Variants in ABCC4 observed in about 807,000 individuals in gnomAD.
ABCC4 encodes the protein ATP-binding cassette sub-family C member 4.
Under a neutral mutation model 168.5 loss-of-function variants are expected in ABCC4, and 102 were observed. The observed-to-expected ratio is 0.61, with a 90% CI of 0.52 to 0.71. The LOEUF (loss-of-function observed/expected upper bound fraction) is 0.71. Ranked by LOEUF, ABCC4 falls within the 30% of genes least tolerant of loss-of-function variation. The pLI is 0.00. For synonymous variants in ABCC4, 617 were observed against 590.7 expected (o/e 1.04, Z -0.65); for missense variants, 1,402 against 1,605.8 (o/e 0.87, Z 2.17).
chr13:95,087,422 G>A (rs1257169085), intron 20 of ABCC4, among the ~76,000 whole-genome samples: 1 of 152,056 alleles, frequency 6.6e-6, no homozygotes, highest in Non-Finnish European at 1.5e-5. Context: ...GGGAGGCTGA[G>A]GCTTGCAGTG....
In ABCC4 at chr13:95,182,687, A is replaced by G. The variant is rs145919980; in HGVS notation, c.1545+4014T>C. Among the ~76,000 whole-genome samples the G allele has an allele frequency of 7.9e-4, 120 of 152,304 alleles. 1 individual carries two copies. The highest frequency in any genetic ancestry group is 2.8e-3 in the African/African-American group (115 of 41,560). ...ATGAGGTGAATAGTTTATTATCTCTATTTTACAGATGACAAAACTGAGGCT... is the reference window on the plus strand; with the variant it reads ...ATGAGGTGAATAGTTTATTATCTCTGTTTTACAGATGACAAAACTGAGGCT... On this transcript the variant is annotated intron_variant, in intron 11 of 30. Transcript: ENST00000645237.
chr13:95,060,209 G>A (rs2033232397), intron 26 of ABCC4, among the ~76,000 whole-genome samples: 2 of 152,156 alleles, frequency 1.3e-5, no homozygotes, highest in Admixed American at 6.5e-5. Flanking sequence ...GGATCTACAT[G>A]GATACAAAGC....
intron 4 of ABCC4, among the ~76,000 whole-genome samples, chr13:95,211,969 G>A (rs925365427): frequency 1.3e-5 from 2 of 152,088 alleles, no homozygotes; most frequent in African/African-American, 4.8e-5. Flanking sequence ...TTGAGGTCAG[G>A]AGTTCGAGAT....
At chr13:95,264,518 A>C (rs2040616792) in intron 1 of ABCC4, among the ~76,000 whole-genome samples, 1 of 152,178 alleles carries the variant, frequency 6.6e-6, no homozygotes, top group Non-Finnish European at 1.5e-5. Context: ...AGGATACTGT[A>C]TTTATTTTTA....
intron 26 of ABCC4, among the ~76,000 whole-genome samples, chr13:95,057,611 T>C (rs1402930274): frequency 6.6e-6 from 1 of 152,222 alleles, no homozygotes; most frequent in Admixed American, 6.5e-5. Flanking sequence ...GCCCCAGTTC[T>C]TTCCCAGGTC....
At chr13:95,107,533 C>G (rs1182810957) in intron 20 of ABCC4, among the ~76,000 whole-genome samples, 2 of 152,076 alleles carry the variant, frequency 1.3e-5, no homozygotes, top group African/African-American at 4.8e-5. Flanking sequence ...AGAAATGTGC[C>G]TTTGCTTTTG....
intron 1 of ABCC4, among the ~76,000 whole-genome samples, chr13:95,290,997 C>CA (rs762030761): frequency 8.2e-5 from 3 of 36,424 alleles, no homozygotes; most frequent in Admixed American, 5.2e-4. Flanking sequence ...GACCCTGTCT[C>CA]AAAAAAAAAA....
rs1566384822 is a variant in ABCC4 at position 95,064,287 on chromosome 13, TATATATATATAC to T, written c.3211-1440_3211-1429del. On this transcript the variant is annotated intron_variant, in intron 25 of 30. Transcript: ENST00000645237. ...ATATATATATATATATATATATATA[TATATATATATAC>T]ACACACACACACCAATTGAATTTCT... Among the ~76,000 whole-genome samples, 129 of 122,316 alleles carry T rather than the reference TATATATATATAC, an allele frequency of 1.1e-3. 2 individuals carry two copies. Among genetic ancestry groups the T allele is most frequent in the African/African-American group, 3.3e-3 (94 of 28,800 alleles). The allele number at this position is 122,316 out of a possible 152,430, so 80.2% of individuals were successfully genotyped here.
chr13:95,172,093 T>C (rs2037497612), intron 13 of ABCC4, among the ~76,000 whole-genome samples: 1 of 152,226 alleles, frequency 6.6e-6, no homozygotes, highest in African/African-American at 2.4e-5. Flanking sequence ...CCATTGTAGA[T>C]GAGATAATAG....
rs1288778345 is a variant in ABCC4, at chr13:95,301,341, G to A, written c.-27C>T. On this transcript the variant is annotated 5_prime_UTR_variant, in exon 1 of 31. Coordinates refer to ENST00000645237, the MANE Select transcript of ABCC4 (RefSeq NM_005845.5). ...TTGCCGGGCGGGGCGGGCGCGGGCC[G>A]GGGTCGCGCTGATCAGGCGGCGGTG... is the stretch of plus-strand genomic sequence containing the variant. 2.6e-6 allele frequency: 4 copies of A among 1,561,568 alleles called. No individual in the cohort carries two copies. Among genetic ancestry groups the A allele is most frequent in the Non-Finnish European group, 2.6e-6 (3 of 1,154,944 alleles).
At chr13:95,061,704 A>C (rs931549377) in intron 26 of ABCC4, among the ~76,000 whole-genome samples, 4 of 151,508 alleles carry the variant, frequency 2.6e-5, no homozygotes, top group South Asian at 2.1e-4. Flanking sequence ...AAGAAAACAA[A>C]CAAAAAACCC....
At chr13:95,026,513 G>GA (rs1161582135) in intron 30 of ABCC4, among the ~76,000 whole-genome samples, 3 of 151,850 alleles carry the variant, frequency 2.0e-5, no homozygotes, top group South Asian at 2.1e-4. Context: ...TAAACTTCCA[G>GA]AAAAAAAAGA....
Position 95,022,028 on chromosome 13 carries a change from C to A in ABCC4, c.3871-346G>T, listed in dbSNP as rs562713979. On this transcript the variant is annotated intron_variant, in intron 30 of 30. Transcript: ENST00000645237. Reference sequence around the variant, plus strand: ...CAGGGTGACAAAGAGGCTGGGAAATCTAGCGTCTGCATGAGGGTTTCTCAT... The same window carrying A: ...CAGGGTGACAAAGAGGCTGGGAAATATAGCGTCTGCATGAGGGTTTCTCAT... 2.1e-4 allele frequency among the ~76,000 whole-genome samples: 32 copies of A among 152,320 alleles called. No individual in the cohort carries two copies. The South Asian group carries it at 5.6e-3, about 27-fold the overall frequency.
In ABCC4 at chr13:95,239,061, C is replaced by A. The variant is rs567002870; in HGVS notation, c.307-4227G>T. On this transcript the variant is annotated intron_variant, in intron 3 of 30. Coordinates refer to ENST00000645237, the MANE Select transcript of ABCC4 (RefSeq NM_005845.5). ...GATGAATCATAATTTGTTTTTTTAA[C>A]TTTAAACAAAATAGTTTAACTAGTT... 2.4e-3 allele frequency among the ~76,000 whole-genome samples: 355 copies of A among 149,792 alleles called. 1 individual carries two copies. Among genetic ancestry groups the A allele is most frequent in the African/African-American group, 8.5e-3 (345 of 40,562 alleles).
intron 1 of ABCC4, among the ~76,000 whole-genome samples, chr13:95,268,629 G>A (rs372586062): frequency 1.3e-5 from 2 of 152,142 alleles, no homozygotes; most frequent in Admixed American, 6.5e-5. Flanking sequence ...ACATGCTGGC[G>A]GCAGTACTGC....
Position 95,253,171 on chromosome 13 carries a change from G to A in ABCC4, c.75-5418C>T, listed in dbSNP as rs116432638. ...GTGCACGGCCAACCATGACTGCCCC[G>A]GGCTTTCTCCAAAACAGCTCCATTG... On this transcript the variant is annotated intron_variant, in intron 1 of 30. Coordinates refer to ENST00000645237, the MANE Select transcript of ABCC4 (RefSeq NM_005845.5). Among the ~76,000 whole-genome samples, 115 of 152,168 alleles carry A rather than the reference G, an allele frequency of 7.6e-4. No individual in the cohort carries two copies. The East Asian group carries it at 0.02, about 27-fold the overall frequency.
At chr13:95,059,504 A>AT (rs1324446027) in intron 26 of ABCC4, among the ~76,000 whole-genome samples, 1 of 152,244 alleles carries the variant, frequency 6.6e-6, no homozygotes, top group African/African-American at 2.4e-5. Flanking sequence ...AATGCAAAGC[A>AT]TTAGAGGGGT....
intron 25 of ABCC4, among the ~76,000 whole-genome samples, 158 bp downstream of exon 25, chr13:95,071,504 A>G (rs965518394): frequency 1.3e-5 from 2 of 152,222 alleles, no homozygotes; most frequent in African/African-American, 4.8e-5. Context: ...AGCAGTTCAC[A>G]GCAGGAAGAA....
intron 1 of ABCC4, among the ~76,000 whole-genome samples, chr13:95,279,967 G>T (rs1051228673): frequency 6.6e-6 from 1 of 151,958 alleles, no homozygotes. Context: ...CAGCATTGTC[G>T]GTCCTTAAAT....
Sources: gnomAD v4.1 joint callset for allele counts (sites outside exome capture counted in the v4.1 genomes callset) on GRCh38, gnomAD v4.1.1 for gene constraint, MANE v1.5 for transcripts, NCBI Gene and HGNC (gene_info 2026-07-23, HGNC 2026-07-21) for gene names.